NRXN1: variants seen among roughly 807,000 people sequenced by gnomAD.
NRXN1 encodes neurexin-1.
A neutral mutation model predicts 150.9 loss-of-function variants in NRXN1; 39 were observed. That is an observed-to-expected ratio of 0.26 (90% CI 0.20 to 0.34). The LOEUF (loss-of-function observed/expected upper bound fraction) is 0.34, where lower values mean the gene tolerates loss of function less well. NRXN1 is among the 10% of genes least tolerant of loss of function. The probability of loss-of-function intolerance (pLI) is 1.00; values close to 1 mark genes in which losing one functional copy is unlikely to be tolerated. For missense variants in NRXN1, 1,815 were observed against 1,949.9 expected (o/e 0.93, Z 1.30); for synonymous variants, 924 against 757.0 (o/e 1.22, Z -3.62).
chr2:50,521,088 C>T (rs1190110362), intron 12 of NRXN1, among the ~76,000 whole-genome samples: 2 of 152,086 alleles, frequency 1.3e-5, no homozygotes, highest in Non-Finnish European at 2.9e-5. Context: ...CTGGAAACTT[C>T]CTGGTTCCAA....
intron 12 of NRXN1, among the ~76,000 whole-genome samples, chr2:50,518,683 A>G (rs1339110946): frequency 6.6e-6 from 1 of 151,872 alleles, no homozygotes; most frequent in Non-Finnish European, 1.5e-5. Context: ...TTCCATGTCT[A>G]AATACACCAC....
intron 16 of NRXN1, among the ~76,000 whole-genome samples, chr2:50,467,744 C>T (rs1462567119): frequency 6.6e-6 from 1 of 150,768 alleles, no homozygotes; most frequent in Non-Finnish European, 1.5e-5. Context: ...AGAAGACCTC[C>T]CAAATCCAGG....
At chr2:50,586,006 G>T (rs1463365522) in intron 8 of NRXN1, among the ~76,000 whole-genome samples, 2 of 152,148 alleles carry the variant, frequency 1.3e-5, no homozygotes, top group Non-Finnish European at 2.9e-5. Context: ...GGAGAAAATG[G>T]GCTGGTGACA....
At chr2:50,424,148 G>A (rs1453796693) in intron 17 of NRXN1, among the ~76,000 whole-genome samples, 5 of 101,658 alleles carry the variant, frequency 4.9e-5, no homozygotes, top group Non-Finnish European at 8.1e-5. Flanking sequence ...GAGGAGGGGG[G>A]GAGGAGGAAG....
At chr2:50,123,109 T>C (rs549988333) in intron 18 of NRXN1, among the ~76,000 whole-genome samples, 1 of 152,330 alleles carries the variant, frequency 6.6e-6, no homozygotes, top group Non-Finnish European at 1.5e-5. Context: ...GGCACTTTTC[T>C]AAATGCCAGG....
At chr2:50,962,403 T>A (rs1693347810) in intron 2 of NRXN1, among the ~76,000 whole-genome samples, 2 of 151,712 alleles carry the variant, frequency 1.3e-5, no homozygotes, top group Admixed American at 6.6e-5. Context: ...ATCAGAACAA[T>A]CCAATGATAG....
intron 17 of NRXN1, among the ~76,000 whole-genome samples, chr2:50,443,836 AT>A (rs2086174541): frequency 1.3e-5 from 2 of 152,190 alleles, no homozygotes; most frequent in African/African-American, 4.8e-5. Flanking sequence ...TATACACTTT[AT>A]AAAATCTGTC....
At chr2:50,575,969 C>T (rs2105489544) in intron 8 of NRXN1, among the ~76,000 whole-genome samples, 1 of 152,096 alleles carries the variant, frequency 6.6e-6, no homozygotes, top group African/African-American at 2.4e-5. Context: ...AACCTCTAGA[C>T]CTTGCTTAAA....
chr2:50,425,219 C>T (rs934366704), intron 17 of NRXN1, among the ~76,000 whole-genome samples: 1 of 152,170 alleles, frequency 6.6e-6, no homozygotes, highest in African/African-American at 2.4e-5. Flanking sequence ...TATTAATTGT[C>T]AATAGTAGCT....
chr2:50,779,872 G>A (rs568345052), intron 5 of NRXN1, among the ~76,000 whole-genome samples: 1 of 152,134 alleles, frequency 6.6e-6, no homozygotes, highest in South Asian at 2.1e-4. Flanking sequence ...TAAACCCTTG[G>A]GTATATACCC....
intron 2 of NRXN1, among the ~76,000 whole-genome samples, chr2:50,962,994 T>C (rs1455520657): frequency 6.6e-6 from 1 of 151,688 alleles, no homozygotes; most frequent in Non-Finnish European, 1.5e-5. Flanking sequence ...CTCTCTGAAG[T>C]AGGTTATAGG....
intron 8 of NRXN1, among the ~76,000 whole-genome samples, chr2:50,604,607 C>T (rs968685657): frequency 6.6e-6 from 1 of 152,120 alleles, no homozygotes; most frequent in Non-Finnish European, 1.5e-5. Flanking sequence ...ACTCTTATCT[C>T]TATTTTTGTT....
At chr2:50,168,191 A>G (rs778342151) in intron 18 of NRXN1, among the ~76,000 whole-genome samples, 3 of 152,152 alleles carry the variant, frequency 2.0e-5, no homozygotes, top group Non-Finnish European at 4.4e-5. Context: ...TGATGGACTG[A>G]GAGAGACATG....
intron 2 of NRXN1, 142 bp downstream of exon 2, chr2:51,027,360 T>G (rs1670667477): frequency 3.8e-6 from 3 of 792,994 alleles, no homozygotes; most frequent in Non-Finnish European, 5.4e-6. Context: ...AGGTAGAGAG[T>G]CCCCCAGAAA....
At chr2:50,916,895 A>G (rs1685283313) in intron 5 of NRXN1, 1 of 151,722 alleles carries the variant, frequency 6.6e-6, no homozygotes. Context: ...GATAATACAT[A>G]AGCATATACT....
At chr2:51,008,478 G>C (rs1575205237) in intron 2 of NRXN1, among the ~76,000 whole-genome samples, 1 of 151,884 alleles carries the variant, frequency 6.6e-6, no homozygotes, top group East Asian at 2.0e-4. Context: ...AATTAAATTT[G>C]GTTTGTGTTT....
At chr2:50,930,013 T>C (rs1246757923) in intron 2 of NRXN1, among the ~76,000 whole-genome samples, 1 of 152,064 alleles carries the variant, frequency 6.6e-6, no homozygotes, top group Non-Finnish European at 1.5e-5. Context: ...AGGTCCATTA[T>C]GGAGACTTAG....
chr2:50,634,401 C>T (rs1249167990), intron 5 of NRXN1, among the ~76,000 whole-genome samples: 1 of 152,000 alleles, frequency 6.6e-6, no homozygotes, highest in Non-Finnish European at 1.5e-5. Context: ...GTTTTCTTGT[C>T]AGTAAATGAA....
At chr2:50,493,637 C>T (rs557836137) in intron 15 of NRXN1, among the ~76,000 whole-genome samples, 1 of 152,196 alleles carries the variant, frequency 6.6e-6, no homozygotes, top group South Asian at 2.1e-4. Flanking sequence ...GCAGGCTGTT[C>T]TCAAACTCCC....
Sources: gnomAD v4.1 joint callset for allele counts (sites outside exome capture counted in the v4.1 genomes callset) on GRCh38, gnomAD v4.1.1 for gene constraint, MANE v1.5 for transcripts, NCBI Gene and HGNC (gene_info 2026-07-23, HGNC 2026-07-21) for gene names.